FMO4: variants seen among roughly 807,000 people sequenced by gnomAD.
The protein encoded by FMO4 is dimethylaniline monooxygenase [N-oxide-forming] 4.
In FMO4, 38 loss-of-function variants were observed where a neutral mutation model predicts 43.3. That is an observed-to-expected ratio of 0.88 (90% CI 0.68 to 1.15). The LOEUF (loss-of-function observed/expected upper bound fraction) is 1.15, where lower values mean the gene tolerates loss of function less well. Among genes scored for constraint, FMO4 ranks in the 50% most tolerant of loss-of-function variants. The probability of loss-of-function intolerance (pLI) is 0.00; values close to 1 mark genes in which losing one functional copy is unlikely to be tolerated. For missense variants in FMO4, 631 were observed against 663.3 expected (o/e 0.95, Z 0.54); for synonymous variants, 224 against 232.2 (o/e 0.96, Z 0.32).
At position 171,341,578 on chromosome 1, in the gene FMO4, C is replaced by T. The variant is rs1663374674; in HGVS notation, c.1416C>T (p.Arg472=). ...GACCATGTACTCCTTATCAGTACCG[C>T]CTCATGGGCCCTGGAAAATGGGATG... ...FFGPCTPYQY[R]LMGPGKWDGA... Residue 472 remains arginine (R), a synonymous_variant, in exon 10 of 10, where the codon CGC becomes CGT. Transcript: ENST00000367749. 1 of 1,613,936 alleles carries T rather than the reference C, an allele frequency of 6.2e-7. No homozygotes were observed. Among genetic ancestry groups the T allele is most frequent in the South Asian group, 1.1e-5 (1 of 91,090 alleles).
chr1:171,325,594 A>T (rs1282573727), intron 5 of FMO4, among the ~76,000 whole-genome samples: 1 of 152,104 alleles, frequency 6.6e-6, no homozygotes, highest in African/African-American at 2.4e-5. Flanking sequence ...AGGAAACAAT[A>T]TTATAAATGG....
chr1:171,314,738 A>C (rs901883700), intron 1 of FMO4, among the ~76,000 whole-genome samples: 1 of 152,186 alleles, frequency 6.6e-6, no homozygotes. Context: ...TTGGGAAACA[A>C]ATACCCCATA....
At position 171,342,029 on chromosome 1, in the gene FMO4, C is replaced by T. The variant is rs1663400577; in HGVS notation, c.*190C>T. 1.8e-6 allele frequency: 1 copy of T among 570,518 alleles called. No individual in the cohort carries two copies. Among genetic ancestry groups the T allele is most frequent in the East Asian group, 2.8e-5 (1 of 35,154 alleles). 35.3% of individuals were successfully genotyped at this position (570,518 alleles called of 1,614,324 possible). ...TTTCTTGCCACCCTTTCCAATGCAT[C>T]TTCTACCCTGCTACCTCAGTGATTA... On this transcript the variant is annotated 3_prime_UTR_variant, in exon 10 of 10. Transcript: ENST00000367749.
Position 171,342,079 on chromosome 1 carries a change from G to T in FMO4, c.*240G>T. 2.2e-6 allele frequency: 1 copy of T among 448,186 alleles called. No individual in the cohort carries two copies. Among genetic ancestry groups the T allele is most frequent in the Non-Finnish European group, 4.0e-6 (1 of 250,522 alleles). The allele number at this position is 448,186 out of a possible 1,614,324, so 27.8% of individuals were successfully genotyped here. Reference sequence around the variant, plus strand: ...ATTCTAAAATAAATATATATGATATGGTTTAGCTGTGTCCCCACCCAAATC... The same window carrying T: ...ATTCTAAAATAAATATATATGATATTGTTTAGCTGTGTCCCCACCCAAATC... On this transcript the variant is annotated 3_prime_UTR_variant, in exon 10 of 10. Coordinates refer to ENST00000367749, the MANE Select transcript of FMO4 (RefSeq NM_002022.3).
intron 5 of FMO4, among the ~76,000 whole-genome samples, chr1:171,331,143 C>A (rs1177408378): frequency 6.6e-6 from 1 of 152,062 alleles, no homozygotes; most frequent in African/African-American, 2.4e-5. Flanking sequence ...ATCTATTGGG[C>A]AAAGTAACAT....
intron 2 of FMO4, among the ~76,000 whole-genome samples, chr1:171,316,823 A>G (rs374732981): frequency 1.4e-4 from 21 of 152,198 alleles, no homozygotes; most frequent in African/African-American, 5.1e-4. Flanking sequence ...TCTGATCCTC[A>G]TTGCAAGTTC....
At position 171,341,610 on chromosome 1, in the gene FMO4, G is replaced by A; in HGVS notation, c.1448G>A (p.Arg483Lys). The A allele has an allele frequency of 6.2e-7, 1 of 1,614,016 alleles. No individual in the cohort carries two copies. The highest frequency in any genetic ancestry group is 8.5e-7 in the Non-Finnish European group (1 of 1,179,980). The change falls in exon 10 of 10, where the codon AGA (arginine) becomes AAA (lysine). Residue 483 changes from arginine (R) to lysine (K), a missense_variant. Physicochemically the swap from Arg to Lys is conservative, Grantham distance 26. Coordinates refer to ENST00000367749, the MANE Select transcript of FMO4 (RefSeq NM_002022.3). ...LMGPGKWDGA[R>K]NAILTQWDRT... ...GGCCCTGGAAAATGGGATGGAGCCA[G>A]AAATGCCATCCTGACCCAGTGGGAC...
chr1:171,339,295 T>A (rs1297289727), intron 9 of FMO4, among the ~76,000 whole-genome samples: 1 of 152,148 alleles, frequency 6.6e-6, no homozygotes, highest in African/African-American at 2.4e-5. Context: ...TATTTAAAGT[T>A]TCTCTCGAGT....
At chr1:171,330,870 A>G (rs1371069327) in intron 5 of FMO4, among the ~76,000 whole-genome samples, 3 of 152,230 alleles carry the variant, frequency 2.0e-5, no homozygotes, top group African/African-American at 4.8e-5. Context: ...CTGTGCTTCT[A>G]TGGACAGAGT....
Position 171,334,622 on chromosome 1 carries a change from A to G in FMO4, c.1039A>G (p.Lys347Glu). The G allele has an allele frequency of 6.2e-7, 1 of 1,613,466 alleles. No homozygotes were observed. Among genetic ancestry groups the G allele is most frequent in the Middle Eastern group, 1.7e-4 (1 of 6,054 alleles). The change falls in exon 8 of 10, where the codon AAG (lysine) becomes GAG (glutamate). Residue 347 changes from lysine (K) to glutamate (E), a missense_variant. Transcript: ENST00000367749. ...FEEPLKSLCT[K>E]KIFLYKQVFP... ...AGAACCTCTTAAAAGCCTCTGTACA[A>G]AGAAGATATTTCTATACAAGCAAGT...
chr1:171,324,128 T>C lies in FMO4; in HGVS notation c.322-10T>C. On this transcript the variant is annotated splice_polypyrimidine_tract_variant and intron_variant, in intron 4 of 9. Transcript: ENST00000367749. ...TTAGTGAGAAGTGAGTGTTTGTCTTTCACTTTTAGACCACTGTGTGCAGCA... is the reference window on the plus strand; with the variant it reads ...TTAGTGAGAAGTGAGTGTTTGTCTTCCACTTTTAGACCACTGTGTGCAGCA... 1 of 1,602,026 alleles carries C rather than the reference T, an allele frequency of 6.2e-7. No individual in the cohort carries two copies. Among genetic ancestry groups the C allele is most frequent in the Non-Finnish European group, 8.5e-7 (1 of 1,174,610 alleles).
At chr1:171,325,864 T>C (rs554085637) in intron 5 of FMO4, among the ~76,000 whole-genome samples, 2 of 118,770 alleles carry the variant, frequency 1.7e-5, no homozygotes, top group South Asian at 6.2e-4. Context: ...TTTTTTTTTT[T>C]TGAGACAGGG....
chr1:171,323,191 A>C lies in FMO4; in HGVS notation c.320A>C (p.Lys107Thr), dbSNP rs1456363260. ...GACCTCCTGAAATACATTCAGTTTA[A>C]GGTAAGATACTTTGGGTTATGGAAG... ...HFDLLKYIQF[K>T]TTVCSITKRP... The change falls in exon 4 of 10, where the codon AAG (lysine) becomes ACG (threonine). Residue 107 changes from lysine (K) to threonine (T), a missense_variant and splice_region_variant. Lys to Thr is a moderately conservative substitution (Grantham distance 78). Coordinates refer to ENST00000367749, the MANE Select transcript of FMO4 (RefSeq NM_002022.3). 1 of 1,609,244 alleles carries C rather than the reference A, an allele frequency of 6.2e-7. No individual in the cohort carries two copies. The highest frequency in any genetic ancestry group is 1.3e-5 in the African/African-American group (1 of 74,734).
At chr1:171,328,810 C>A (rs545775283) in intron 5 of FMO4, among the ~76,000 whole-genome samples, 1 of 152,246 alleles carries the variant, frequency 6.6e-6, no homozygotes, top group South Asian at 2.1e-4. Flanking sequence ...AGTATCCCTG[C>A]AGACTTGATC....
intron 7 of FMO4, among the ~76,000 whole-genome samples, chr1:171,333,375 C>T (rs1309769828): frequency 6.6e-6 from 1 of 152,086 alleles, no homozygotes; most frequent in Non-Finnish European, 1.5e-5. Context: ...AGGCACAGGC[C>T]ACCTCGCCCA....
chr1:171,335,206 A>T (rs1458524921), intron 8 of FMO4, among the ~76,000 whole-genome samples: 1 of 152,230 alleles, frequency 6.6e-6, no homozygotes, highest in African/African-American at 2.4e-5. Flanking sequence ...CTTTCTGTCA[A>T]TTATGCAATA....
At chr1:171,334,794 T>C in intron 8 of FMO4, 31 bp downstream of exon 8, 1 of 1,337,816 alleles carries the variant, frequency 7.5e-7, no homozygotes, top group Non-Finnish European at 1.0e-6. Flanking sequence ...GTCCTCTCTT[T>C]GGATCGTAAA....
intron 5 of FMO4, among the ~76,000 whole-genome samples, chr1:171,327,036 T>C (rs1321057958): frequency 2.0e-5 from 3 of 152,242 alleles, no homozygotes; most frequent in African/African-American, 4.8e-5. Flanking sequence ...GAATCTGTCA[T>C]TTGCAAGTCA....
At chr1:171,339,495 G>A (rs1192238561) in intron 9 of FMO4, among the ~76,000 whole-genome samples, 1 of 152,134 alleles carries the variant, frequency 6.6e-6, no homozygotes, top group Non-Finnish European at 1.5e-5. Context: ...CCCCGGATGA[G>A]AACATCCCAG....
Sources: gnomAD v4.1 joint callset for allele counts (sites outside exome capture counted in the v4.1 genomes callset) on GRCh38, gnomAD v4.1.1 for gene constraint, MANE v1.5 for transcripts, NCBI Gene and HGNC (gene_info 2026-07-23, HGNC 2026-07-21) for gene names.